Variants in ACTR3C observed in about 807,000 individuals in gnomAD.
ACTR3C encodes actin related protein 3C, also known as actin-related protein 3C.
Under a neutral mutation model 26.3 loss-of-function variants are expected in ACTR3C, and 18 were observed. The observed-to-expected ratio is 0.68, with a 90% CI of 0.47 to 1.01. The LOEUF is 1.01. ACTR3C is among the 50% of genes least tolerant of loss of function. The pLI is 0.00. For missense variants in ACTR3C, 184 were observed against 250.7 expected, an observed-to-expected ratio of 0.73 and a Z score of 1.80; for synonymous variants, 55 against 94.5, an observed-to-expected ratio of 0.58 and a Z score of 2.42.
At chr7:150,070,733 G>A in the ACTR3C span, among the ~76,000 whole-genome samples, 1 of 151,954 alleles carries the variant, frequency 6.6e-6, no homozygotes, top group Non-Finnish European at 1.5e-5. Flanking sequence ...TTACAGGCGT[G>A]AGCCACGGTG....
At chr7:150,035,028 A>G in the ACTR3C span, among the ~76,000 whole-genome samples, 4 of 138,210 alleles carry the variant, frequency 2.9e-5, no homozygotes, top group South Asian at 2.4e-4. Flanking sequence ...GGGGGGGAAG[A>G]GGGACTGGCT....
chr7:150,094,617 T>C, the ACTR3C span, among the ~76,000 whole-genome samples: 1 of 150,574 alleles, frequency 6.6e-6, no homozygotes, highest in Non-Finnish European at 1.5e-5. Flanking sequence ...CACTGAGGTT[T>C]GGGTTCCTCC....
At chr7:150,278,303 C>G (rs976676369) in intron 6 of ACTR3C, among the ~76,000 whole-genome samples, 3 of 152,238 alleles carry the variant, frequency 2.0e-5, no homozygotes, top group African/African-American at 7.2e-5. Flanking sequence ...CCACATATGG[C>G]AATTTTAACT....
chr7:150,104,342 G>A, the ACTR3C span, among the ~76,000 whole-genome samples: 1 of 151,882 alleles, frequency 6.6e-6, no homozygotes, highest in Non-Finnish European at 1.5e-5. Context: ...AGGAGGAACT[G>A]GTTGCCTAAT....
the ACTR3C span, among the ~76,000 whole-genome samples, chr7:149,994,783 G>A: frequency 6.6e-6 from 1 of 151,410 alleles, no homozygotes; most frequent in Non-Finnish European, 1.5e-5. Context: ...AATGTTTACT[G>A]AATGAATGAG....
chr7:149,962,162 G>A, the ACTR3C span, among the ~76,000 whole-genome samples: 15 of 152,260 alleles, frequency 9.9e-5, no homozygotes, highest in African/African-American at 3.6e-4. Flanking sequence ...TACACTTATA[G>A]GAAGTGTACA....
the ACTR3C span, among the ~76,000 whole-genome samples, chr7:150,048,733 G>C: frequency 6.6e-6 from 1 of 152,138 alleles, no homozygotes; most frequent in South Asian, 2.1e-4. Flanking sequence ...ACACCCCGAG[G>C]ACCTGGGGTG....
intron 1 of ACTR3C, among the ~76,000 whole-genome samples, chr7:150,317,176 C>A (rs1006083543): frequency 1.3e-5 from 2 of 151,960 alleles, no homozygotes; most frequent in African/African-American, 4.8e-5. Context: ...CTCAGCCTCC[C>A]AAGTAGCTGG....
chr7:149,973,798 T>A, the ACTR3C span, among the ~76,000 whole-genome samples: 1 of 150,350 alleles, frequency 6.7e-6, no homozygotes, highest in Non-Finnish European at 1.5e-5. Flanking sequence ...CGATTCTGAT[T>A]TTTCGGACAG....
chr7:149,994,247 T>G, the ACTR3C span, among the ~76,000 whole-genome samples: 1 of 152,150 alleles, frequency 6.6e-6, no homozygotes, highest in East Asian at 1.9e-4. Flanking sequence ...CATGGAAGAA[T>G]GAAGTGGCCA....
the ACTR3C span, chr7:149,892,242 C>T: frequency 1.4e-6 from 2 of 1,435,582 alleles, no homozygotes; most frequent in Non-Finnish European, 1.9e-6. Context: ...CTGCTCTACA[C>T]TTAGAGAAGC....
chr7:149,887,412 A>G, the ACTR3C span, among the ~76,000 whole-genome samples: 1 of 152,236 alleles, frequency 6.6e-6, no homozygotes, highest in African/African-American at 2.4e-5. Context: ...CTGTGATAAC[A>G]GACTGTAGGT....
At chr7:150,215,971 A>G in the ACTR3C span, among the ~76,000 whole-genome samples, 2 of 152,084 alleles carry the variant, frequency 1.3e-5, no homozygotes, top group Admixed American at 1.3e-4. Context: ...TTTGAAAATA[A>G]TGGTACAAAA....
chr7:150,019,590 CAAAAATAAA>C, the ACTR3C span, among the ~76,000 whole-genome samples: 1 of 103,536 alleles, frequency 9.7e-6, no homozygotes, highest in South Asian at 3.9e-4. Flanking sequence ...GACTCTGTCT[CAAAAATAAA>C]AATAATAATA....
chr7:150,098,623 A>G, the ACTR3C span, among the ~76,000 whole-genome samples: 1 of 151,830 alleles, frequency 6.6e-6, no homozygotes, highest in East Asian at 1.9e-4. Context: ...GCGTTGGTAG[A>G]GTGGCAACTT....
chr7:150,148,392 G>A, the ACTR3C span, among the ~76,000 whole-genome samples: 235 of 152,014 alleles, frequency 1.5e-3, 1 homozygote, highest in African/African-American at 5.2e-3. Flanking sequence ...CAGGAGAATC[G>A]CTTGCACCCG....
At chr7:149,884,310 A>G in the ACTR3C span, among the ~76,000 whole-genome samples, 4 of 152,188 alleles carry the variant, frequency 2.6e-5, no homozygotes, top group African/African-American at 9.7e-5. Context: ...TTTAGGCCAC[A>G]TACTGGGTTA....
chr7:149,912,664 G>A, the ACTR3C span, among the ~76,000 whole-genome samples: 4 of 151,930 alleles, frequency 2.6e-5, no homozygotes, highest in South Asian at 4.2e-4. Context: ...CACCACACCC[G>A]GCTAATTTTT....
chr7:150,058,928 A>G, the ACTR3C span, among the ~76,000 whole-genome samples: 36 of 152,120 alleles, frequency 2.4e-4, no homozygotes, highest in African/African-American at 8.4e-4. Flanking sequence ...AAAAAAACAA[A>G]CAAAAAAACA....
Sources: allele counts gnomAD v4.1 joint callset (sites outside exome capture counted in the v4.1 genomes callset), GRCh38; gene constraint gnomAD v4.1.1; transcripts MANE v1.5; gene names NCBI Gene and HGNC (gene_info 2026-07-23, HGNC 2026-07-21).